Variants in RBAK observed in about 807,000 individuals in gnomAD.
RBAK encodes the protein RB-associated KRAB zinc finger protein.
Under a neutral mutation model 65.8 loss-of-function variants are expected in RBAK, and 39 were observed. The observed-to-expected ratio is 0.59, with a 90% confidence interval of 0.46 to 0.77. The LOEUF is 0.77. Among genes scored for constraint, RBAK ranks in the 30% least tolerant of loss-of-function variants. RBAK has a pLI of 0.00. For synonymous variants in RBAK, 343 were observed against 289.7 expected (o/e 1.18, Z -1.87); for missense variants, 884 against 855.1 (o/e 1.03, Z -0.42).
chr7:5,068,261 A>C lies in RBAK; in HGVS notation c.*2660A>C, dbSNP rs1316758755. ...CATCCATACACCATGCATTAAAAAA[A>C]AAATGAGCATGGCTGCTTCCCAGTA... On this transcript the variant is annotated 3_prime_UTR_variant, in exon 5 of 5. Coordinates refer to ENST00000396912, the MANE Select transcript of RBAK (RefSeq NM_021163.4). The C allele has an allele frequency of 1.3e-5, 2 of 152,334 alleles. No homozygotes were observed. Among genetic ancestry groups the C allele is most frequent in the African/African-American group, 4.8e-5 (2 of 41,574 alleles). The allele number at this position is 152,334 out of a possible 1,614,324, so 9.4% of individuals were successfully genotyped here. A position where few individuals can be genotyped will look rare whatever the true frequency, so the allele number is the denominator to read the frequency against.
rs926955487 is a variant in RBAK at position 5,048,772 on chromosome 7, G to A, written c.15+681G>A. 6.6e-6 allele frequency among the ~76,000 whole-genome samples: 1 copy of A among 151,180 alleles called. No homozygotes were observed. The highest frequency in any genetic ancestry group is 2.4e-5 in the African/African-American group (1 of 41,312). On this transcript the variant is annotated intron_variant, in intron 2 of 4. Coordinates refer to ENST00000396912, the MANE Select transcript of RBAK (RefSeq NM_021163.4). The surrounding 1 kb of genome is among the most constrained non-coding windows in gnomAD (Gnocchi z 4.4). The stretch of plus-strand genomic sequence containing the variant: ...CTGCAGGCTCTATCATAGGAAGCAT[G>A]GCTGGGGAGGCTTCAGGAAACTTAC...
chr7:5,047,920 T>C (rs537511739), intron 1 of RBAK, 113 bp from the exon 2 acceptor site: 26 of 540,032 alleles, frequency 4.8e-5, no homozygotes, highest in South Asian at 1.2e-4. Context: ...GCAGGCTGAG[T>C]GTTCACAGGG....
In RBAK at chr7:5,064,078, A is replaced by G; in HGVS notation, c.622A>G (p.Asn208Asp). 6.2e-7 allele frequency: 1 copy of G among 1,613,904 alleles called. No homozygotes were observed. The highest frequency in any genetic ancestry group is 8.5e-7 in the Non-Finnish European group (1 of 1,179,992). Reference protein sequence around the residue: ...ISILEKPFEYNECMEALDNEA... With the variant: ...ISILEKPFEYDECMEALDNEA... ...TATTTTGGAGAAACCCTTTGAATAT[A>G]ATGAATGCATGGAAGCCTTAGACAA... The change falls in exon 5 of 5, where the codon AAT becomes GAT. Residue 208 changes from asparagine (N) to aspartate (D), a missense_variant. Asn to Asp is a conservative substitution (Grantham distance 23). Transcript: ENST00000396912. This position sits in a 1 kb window ranked among gnomAD's most constrained non-coding sequence, Gnocchi z 6.3.
Position 5,068,114 on chromosome 7 carries a change from T to C in RBAK, c.*2513T>C, listed in dbSNP as rs1025698045. ...ATGGGGAGGAGAAGATATTTGCAGTTCATGTATGTGACAACAGCACCGAGT... is the reference window on the plus strand; with the variant it reads ...ATGGGGAGGAGAAGATATTTGCAGTCCATGTATGTGACAACAGCACCGAGT... On this transcript the variant is annotated 3_prime_UTR_variant, in exon 5 of 5. Transcript: ENST00000396912. 2 of 152,186 alleles carry C rather than the reference T, an allele frequency of 1.3e-5. No homozygotes were observed. The highest frequency in any genetic ancestry group is 2.9e-5 in the Non-Finnish European group (2 of 68,038). 9.4% of individuals were successfully genotyped at this position (152,186 alleles called of 1,614,324 possible).
At chr7:5,057,866 C>T in intron 4 of RBAK, 87 bp downstream of exon 4, 1 of 1,403,708 alleles carries the variant, frequency 7.1e-7, no homozygotes, top group Non-Finnish European at 9.9e-7. Context: ...TATTCAGTAC[C>T]CTCAGTAACA....
intron 2 of RBAK, among the ~76,000 whole-genome samples, chr7:5,055,286 G>A (rs571508571): frequency 1.0e-4 from 15 of 150,102 alleles, no homozygotes; most frequent in East Asian, 7.8e-4. Flanking sequence ...GTGTGCGTGC[G>A]TGTATATACA....
intron 2 of RBAK, chr7:5,057,077 T>TA (rs1392607019): frequency 5.0e-6 from 1 of 202,018 alleles, no homozygotes; most frequent in East Asian, 1.7e-4. Flanking sequence ...TATATATTTT[T>TA]TATATATATT....
rs757885597 is a variant in RBAK at position 5,066,739 on chromosome 7, T to G, written c.*1138T>G. The stretch of plus-strand genomic sequence containing the variant: ...TGGAACAGTTTAGGTACCTACCACT[T>G]CTTCACATGACACAGGGGAATCCTG... On this transcript the variant is annotated 3_prime_UTR_variant, in exon 5 of 5. Transcript: ENST00000396912. 4 of 152,192 alleles carry G rather than the reference T, an allele frequency of 2.6e-5. No individual in the cohort carries two copies. The highest frequency in any genetic ancestry group is 4.4e-5 in the Non-Finnish European group (3 of 68,010). The allele number at this position is 152,192 out of a possible 1,614,324, so 9.4% of individuals were successfully genotyped here.
At chr7:5,047,080 G>A (rs1281107483) in intron 1 of RBAK, among the ~76,000 whole-genome samples, 1 of 152,104 alleles carries the variant, frequency 6.6e-6, no homozygotes, top group Non-Finnish European at 1.5e-5. Flanking sequence ...TGGCTTCTTT[G>A]ATTTTAAGCA....
Position 5,067,123 on chromosome 7 carries a change from G to A in RBAK, c.*1522G>A, listed in dbSNP as rs371962557. On this transcript the variant is annotated 3_prime_UTR_variant, in exon 5 of 5. Coordinates refer to ENST00000396912, the MANE Select transcript of RBAK (RefSeq NM_021163.4). Reference sequence around the variant, plus strand: ...ATGAAATAGTGAACATTTCTCCTAAGATTATAAAAATAAGACAAGGATATC... The same window carrying A: ...ATGAAATAGTGAACATTTCTCCTAAAATTATAAAAATAAGACAAGGATATC... The A allele has an allele frequency of 3.9e-5, 6 of 152,222 alleles. No individual in the cohort carries two copies. The South Asian group carries it at 1.0e-3, about 26-fold the overall frequency. 9.4% of individuals were successfully genotyped at this position (152,222 alleles called of 1,614,324 possible). A position where few individuals can be genotyped will look rare whatever the true frequency, so the allele number is the denominator to read the frequency against.
Position 5,056,396 on chromosome 7 carries a change from G to T in RBAK, c.16-899G>T, listed in dbSNP as rs1483494467. The stretch of plus-strand genomic sequence containing the variant: ...GCCTCCCAAAGTGCTAGGATTATAG[G>T]CATGAGCCACCATGCCCAGCCCCAA... On this transcript the variant is annotated intron_variant, in intron 2 of 4. Transcript: ENST00000396912. 1.6e-4 allele frequency among the ~76,000 whole-genome samples: 25 copies of T among 151,866 alleles called. 1 individual carries two copies. The highest frequency in any genetic ancestry group is 1.6e-3 in the Admixed American group (25 of 15,228).
Position 5,048,685 on chromosome 7 carries a change from G to T in RBAK, c.15+594G>T, listed in dbSNP as rs1356374706. ...ATCTGTATTAGTCCATTCTCACACT[G>T]CTATAGAGAAATAACCAAGACTGGG... On this transcript the variant is annotated intron_variant, in intron 2 of 4. Transcript: ENST00000396912. This position sits in a 1 kb window ranked among gnomAD's most constrained non-coding sequence, Gnocchi z 4.4. Among the ~76,000 whole-genome samples, 1 of 152,154 alleles carries T rather than the reference G, an allele frequency of 6.6e-6. No individual in the cohort carries two copies. The highest frequency in any genetic ancestry group is 6.5e-5 in the Admixed American group (1 of 15,272).
chr7:5,064,677 G>C lies in RBAK; in HGVS notation c.1221G>C (p.Gly407=). The stretch of plus-strand genomic sequence containing the variant: ...AGCTTTATAAATGTAATGAATGTGG[G>C]AAATCCTACTACCGAAAGTCTACTC... ...GEKLYKCNEC[G]KSYYRKSTLI... The change falls in exon 5 of 5, where the codon GGG becomes GGC. Residue 407 remains glycine (G), a synonymous_variant. Coordinates refer to ENST00000396912, the MANE Select transcript of RBAK (RefSeq NM_021163.4). The surrounding 1 kb of genome is among the most constrained non-coding windows in gnomAD (Gnocchi z 6.3). 6.2e-7 allele frequency: 1 copy of C among 1,612,102 alleles called. No homozygotes were observed. The highest frequency in any genetic ancestry group is 2.2e-5 in the East Asian group (1 of 44,762).
In RBAK at chr7:5,046,026, T is replaced by G; in HGVS notation, c.-415T>G. 2 of 273,540 alleles carry G rather than the reference T, an allele frequency of 7.3e-6. No individual in the cohort carries two copies. Among genetic ancestry groups the G allele is most frequent in the Non-Finnish European group, 7.0e-6 (1 of 142,948 alleles). 16.9% of individuals were successfully genotyped at this position (273,540 alleles called of 1,614,324 possible). A position where few individuals can be genotyped will look rare whatever the true frequency, so the allele number is the denominator to read the frequency against. Reference sequence around the variant, plus strand: ...CAGGCCAGGGTTCGCGCGGGCCGGGTGGAGGCTTGAGCGGGGACCCCCGAG... The same window carrying G: ...CAGGCCAGGGTTCGCGCGGGCCGGGGGGAGGCTTGAGCGGGGACCCCCGAG... On this transcript the variant is annotated 5_prime_UTR_variant, in exon 1 of 5. Transcript: ENST00000396912.
intron 1 of RBAK, among the ~76,000 whole-genome samples, chr7:5,047,601 C>CTTTTTTTTT (rs1037439035): frequency 9.9e-6 from 1 of 100,908 alleles, no homozygotes; most frequent in Non-Finnish European, 2.0e-5. Flanking sequence ...TTTTCACTCT[C>CTTTTTTTTT]TTTTTTTTTT....
At chr7:5,061,433 T>G (rs1217603062) in intron 4 of RBAK, among the ~76,000 whole-genome samples, 1 of 145,230 alleles carries the variant, frequency 6.9e-6, no homozygotes, top group African/African-American at 2.6e-5. Context: ...TCTTGGGTTT[T>G]TTGTTTTGTT....
intron 2 of RBAK, among the ~76,000 whole-genome samples, chr7:5,052,057 T>C (rs903621498): frequency 6.6e-6 from 1 of 152,246 alleles, no homozygotes; most frequent in African/African-American, 2.4e-5. Context: ...TGTATTATAT[T>C]AGATACATAA....
intron 2 of RBAK, among the ~76,000 whole-genome samples, chr7:5,053,769 T>A (rs1024416353): frequency 6.6e-6 from 1 of 152,236 alleles, no homozygotes; most frequent in African/African-American, 2.4e-5. Context: ...TCTCAGATAT[T>A]GTAGTTTCTA....
chr7:5,062,182 GGACACCTAGCACCTGTTTTTGTTCCTCCT>G (rs1779092021), intron 4 of RBAK, among the ~76,000 whole-genome samples: 1 of 152,076 alleles, frequency 6.6e-6, no homozygotes, highest in African/African-American at 2.4e-5. Context: ...TCCTTTGCAC[GGACACCTAGCACCTGTTTTTGTTCCTCCT>G]GATCCCATTT....
Sources: gnomAD v4.1 joint callset for allele counts (sites outside exome capture counted in the v4.1 genomes callset) on GRCh38, gnomAD v4.1.1 for gene constraint, Gnocchi (gnomAD v3.1) non-coding constraint, MANE v1.5 for transcripts, NCBI Gene and HGNC (gene_info 2026-07-23, HGNC 2026-07-21) for gene names.